TRDN: variants seen among roughly 807,000 people sequenced by gnomAD.
The protein encoded by TRDN is triadin.
A neutral mutation model predicts 149.7 loss-of-function variants in TRDN; 161 were observed. The observed-to-expected ratio is 1.08, with a 90% CI of 0.95 to 1.23. The LOEUF is 1.23. TRDN is among the 50% of genes most tolerant of loss of function. The pLI is 0.00. For synonymous variants in TRDN, 294 were observed against 250.5 expected (o/e 1.17, Z -1.64); for missense variants, 896 against 823.5 (o/e 1.09, Z -1.08).
intron 5 of TRDN, among the ~76,000 whole-genome samples, chr6:123,518,317 C>A (rs1449653231): frequency 1.3e-5 from 2 of 152,154 alleles, no homozygotes; most frequent in Non-Finnish European, 2.9e-5. Flanking sequence ...ATACTGACCA[C>A]AAATGGTTTA....
intron 7 of TRDN, among the ~76,000 whole-genome samples, chr6:123,507,337 G>A (rs1343713981): frequency 1.3e-5 from 2 of 151,904 alleles, no homozygotes; most frequent in Non-Finnish European, 2.9e-5. Flanking sequence ...TTATAAGTGG[G>A]CAATGATTAT....
At chr6:123,335,065 C>G (rs927316076) in intron 22 of TRDN, among the ~76,000 whole-genome samples, 3 of 151,946 alleles carry the variant, frequency 2.0e-5, no homozygotes, top group Admixed American at 6.6e-5. Context: ...TTCAAAGAGA[C>G]TCTCCAAAAA....
At chr6:123,238,991 C>G (rs1562224649) in intron 38 of TRDN, among the ~76,000 whole-genome samples, 1 of 152,112 alleles carries the variant, frequency 6.6e-6, no homozygotes, top group Non-Finnish European at 1.5e-5. Flanking sequence ...CAGGCACACA[C>G]CACCACGCCA....
chr6:123,523,102 A>G (rs2114296163), intron 5 of TRDN, among the ~76,000 whole-genome samples: 1 of 152,308 alleles, frequency 6.6e-6, no homozygotes, highest in Non-Finnish European at 1.5e-5. Context: ...CAGCATGGAC[A>G]AAGTGCTTAA....
chr6:123,252,354 T>C (rs1388129228), intron 38 of TRDN, 58 bp downstream of exon 38: 14 of 1,053,146 alleles, frequency 1.3e-5, no homozygotes, highest in African/African-American at 8.1e-5. Flanking sequence ...ATGAATTTCA[T>C]CTTAAAATTG....
chr6:123,281,177 ATACT>A (rs1461305810), intron 24 of TRDN, among the ~76,000 whole-genome samples: 1 of 152,206 alleles, frequency 6.6e-6, no homozygotes, highest in South Asian at 2.1e-4. Context: ...TAAGATGTAA[ATACT>A]TACTCTGTTT....
At chr6:123,474,258 C>G (rs1442379064) in intron 9 of TRDN, among the ~76,000 whole-genome samples, 1 of 151,610 alleles carries the variant, frequency 6.6e-6, no homozygotes, top group Admixed American at 6.6e-5. Flanking sequence ...ATCTACCAAG[C>G]AAATGGAAAA....
At position 123,372,487 on chromosome 6, in the gene TRDN, T is replaced by C. The variant is rs1781360377; in HGVS notation, c.1273+3118A>G. Reference sequence around the variant, plus strand: ...TAAAAATGACTATATTTTGGCTTTATCCTGGGCTTTGGTGGCTATTTTCCT... The same window carrying C: ...TAAAAATGACTATATTTTGGCTTTACCCTGGGCTTTGGTGGCTATTTTCCT... On this transcript the variant is annotated intron_variant, in intron 19 of 40. Transcript: ENST00000334268. 2.0e-5 allele frequency among the ~76,000 whole-genome samples: 3 copies of C among 152,122 alleles called. 1 individual carries two copies. The South Asian group carries it at 6.2e-4, about 31-fold the overall frequency.
intron 10 of TRDN, among the ~76,000 whole-genome samples, chr6:123,451,579 A>G (rs1775776517): frequency 6.6e-6 from 1 of 152,126 alleles, no homozygotes; most frequent in Admixed American, 6.5e-5. Flanking sequence ...GCAGACCAAT[A>G]ACAAGCAGCA....
At chr6:123,615,468 T>C (rs1785034114) in intron 1 of TRDN, among the ~76,000 whole-genome samples, 1 of 151,844 alleles carries the variant, frequency 6.6e-6, no homozygotes, top group African/African-American at 2.4e-5. Flanking sequence ...ATATGAATAA[T>C]GGAATGTGTG....
At chr6:123,289,091 T>C (rs375684634) in intron 24 of TRDN, among the ~76,000 whole-genome samples, 5 of 146,958 alleles carry the variant, frequency 3.4e-5, no homozygotes, top group South Asian at 2.1e-4. Flanking sequence ...TATATATATA[T>C]ACACTATATA....
chr6:123,306,435 T>C (rs1015779608), intron 24 of TRDN, among the ~76,000 whole-genome samples: 7 of 152,018 alleles, frequency 4.6e-5, no homozygotes, highest in Admixed American at 4.6e-4. Context: ...AAGCTGATAA[T>C]CTAAATTGGG....
intron 1 of TRDN, among the ~76,000 whole-genome samples, chr6:123,603,813 T>C (rs190649819): frequency 6.6e-6 from 1 of 152,256 alleles, no homozygotes; most frequent in East Asian, 1.9e-4. Context: ...CCAGAAATTT[T>C]TACCTCACAG....
intron 8 of TRDN, among the ~76,000 whole-genome samples, chr6:123,500,223 T>A (rs1288241888): frequency 6.6e-6 from 1 of 152,174 alleles, no homozygotes; most frequent in Non-Finnish European, 1.5e-5. Context: ...TGTATTCTAA[T>A]GGCACCAATA....
intron 12 of TRDN, among the ~76,000 whole-genome samples, chr6:123,408,256 C>T (rs1181613050): frequency 6.6e-6 from 1 of 152,176 alleles, no homozygotes; most frequent in Non-Finnish European, 1.5e-5. Context: ...TCATCAAAAT[C>T]TCTGAATTTC....
At chr6:123,502,987 G>A in intron 8 of TRDN, 2 of 985,214 alleles carry the variant, frequency 2.0e-6, no homozygotes, top group Non-Finnish European at 2.4e-6. Flanking sequence ...CTTCAGCTCT[G>A]TATATTCACA....
At position 123,511,121 on chromosome 6, in the gene TRDN, G is replaced by A. The variant is rs535006244; in HGVS notation, c.610+1182C>T. On this transcript the variant is annotated intron_variant, in intron 7 of 40. Transcript: ENST00000334268. Reference sequence around the variant, plus strand: ...GTAGTTTCATAGTTTCAGGTCTTACGTTTAAGTCTTTAATTCAGTTTGATT... The same window carrying A: ...GTAGTTTCATAGTTTCAGGTCTTACATTTAAGTCTTTAATTCAGTTTGATT... Among the ~76,000 whole-genome samples the A allele has an allele frequency of 1.2e-4, 18 of 152,174 alleles. 1 individual carries two copies. Among genetic ancestry groups the A allele is most frequent in the East Asian group, 9.6e-4 (5 of 5,182 alleles).
Position 123,381,418 on chromosome 6 carries a change from C to G in TRDN, c.1166-28G>C, listed in dbSNP as rs757767484. 3.9e-6 allele frequency: 6 copies of G among 1,548,202 alleles called. No individual in the cohort carries two copies. The South Asian group carries it at 7.1e-5, about 18-fold the overall frequency. On this transcript the variant is annotated intron_variant, in intron 15 of 40. Transcript: ENST00000334268. ...GAAAGAAATACAAACAAAATCATTGCTCTTAAAACTTTAAAGATAAAACGT... is the reference window on the plus strand; with the variant it reads ...GAAAGAAATACAAACAAAATCATTGGTCTTAAAACTTTAAAGATAAAACGT...
chr6:123,275,307 A>G (rs533429290), intron 26 of TRDN, among the ~76,000 whole-genome samples: 141 of 152,216 alleles, frequency 9.3e-4, no homozygotes, highest in African/African-American at 3.2e-3. Context: ...TGTCCTTATA[A>G]GAAGAGGAAA....
Sources: gnomAD v4.1 joint callset for allele counts (sites outside exome capture counted in the v4.1 genomes callset) on GRCh38, gnomAD v4.1.1 for gene constraint, MANE v1.5 for transcripts, NCBI Gene and HGNC (gene_info 2026-07-23, HGNC 2026-07-21) for gene names.